Variants in UBOX5 observed in about 807,000 individuals in gnomAD.
UBOX5 encodes the protein RING finger protein 37.
A neutral mutation model predicts 39.0 loss-of-function variants in UBOX5; 28 were observed. The observed-to-expected ratio is 0.72, with a 90% CI of 0.53 to 0.98. The LOEUF (loss-of-function observed/expected upper bound fraction) is 0.98. UBOX5 is among the 50% of genes least tolerant of loss of function. UBOX5 has a pLI of 0.00. For synonymous variants in UBOX5, 283 were observed against 275.5 expected, an observed-to-expected ratio of 1.03 and a Z score of -0.27; for missense variants, 585 against 674.4, an observed-to-expected ratio of 0.87 and a Z score of 1.47.
At chr20:3,124,282 G>A (rs142137411) in intron 1 of UBOX5, among the ~76,000 whole-genome samples, 13,968 of 152,100 alleles carry the variant, frequency 0.092, 720 homozygotes, top group Middle Eastern at 0.13. Flanking sequence ...CTGTACTGCC[G>A]TGATCTCAGC....
At chr20:3,130,333 C>CT (rs5839987) in intron 1 of UBOX5, among the ~76,000 whole-genome samples, 46 of 132,210 alleles carry the variant, frequency 3.5e-4, no homozygotes, top group Middle Eastern at 3.8e-3. Context: ...TTGTTTATGC[C>CT]TTTTTTTTTT....
At chr20:3,158,004 C>T (rs1458668529) in intron 1 of UBOX5, among the ~76,000 whole-genome samples, 1 of 152,144 alleles carries the variant, frequency 6.6e-6, no homozygotes, top group Admixed American at 6.5e-5. Context: ...CACCTCTCAC[C>T]CCGGCAACCT....
At chr20:3,143,136 C>T (rs1421779384) in intron 1 of UBOX5, among the ~76,000 whole-genome samples, 4 of 112,266 alleles carry the variant, frequency 3.6e-5, no homozygotes, top group Non-Finnish European at 5.0e-5. Context: ...GACAGAGTCT[C>T]TGGCTCTGTT....
chr20:3,144,768 C>T (rs144756029), intron 1 of UBOX5, among the ~76,000 whole-genome samples: 92 of 152,292 alleles, frequency 6.0e-4, no homozygotes, highest in Middle Eastern at 6.8e-3. Flanking sequence ...TCTAACATAA[C>T]CAAACCTGAA....
Position 3,115,753 on chromosome 20 carries a change from C to CTTT in UBOX5, c.1256-290_1256-288dup, listed in dbSNP as rs11481933. ...GGCTCAACTGCAGAACTGCACGCTC[C>CTTT]TTTTTTTTTTTTTTTTTTTTTTTGA... is the stretch of plus-strand genomic sequence containing the variant. On this transcript the variant is annotated intron_variant, in intron 3 of 4. Coordinates refer to ENST00000217173, the MANE Select transcript of UBOX5 (RefSeq NM_014948.4). Among the ~76,000 whole-genome samples, 478 of 87,822 alleles carry CTTT rather than the reference C, an allele frequency of 5.4e-3. 2 individuals are homozygous for CTTT. Among genetic ancestry groups the CTTT allele is most frequent in the East Asian group, 0.01 (26 of 2,534 alleles). 57.6% of individuals were successfully genotyped at this position (87,822 alleles called of 152,430 possible).
At chr20:3,126,375 G>A (rs187880318) in intron 1 of UBOX5, among the ~76,000 whole-genome samples, 15 of 152,130 alleles carry the variant, frequency 9.9e-5, no homozygotes, top group African/African-American at 3.6e-4. Flanking sequence ...CACTGCGGAA[G>A]GCCGCAGGGA....
chr20:3,148,141 T>G (rs143387139), intron 1 of UBOX5: 8 of 1,613,842 alleles, frequency 5.0e-6, no homozygotes, highest in African/African-American at 1.3e-5. Flanking sequence ...TGATCAAATC[T>G]ATATATTTAA....
intron 1 of UBOX5, among the ~76,000 whole-genome samples, chr20:3,126,928 C>T (rs151242287): frequency 0.017 from 2,463 of 148,922 alleles, 31 homozygotes; most frequent in Non-Finnish European, 0.025. Flanking sequence ...CCCAGCTACT[C>T]GGGAGGCCAA....
At chr20:3,150,075 A>G (rs1383722117) in intron 1 of UBOX5, among the ~76,000 whole-genome samples, 1 of 151,900 alleles carries the variant, frequency 6.6e-6, no homozygotes, top group Non-Finnish European at 1.5e-5. Flanking sequence ...CCCTGTTCTT[A>G]TAGCGCAAAA....
rs1366039207 is a variant in UBOX5, at chr20:3,121,801, A to G, written c.838T>C (p.Ser280Pro). ...GTGCTCTGGTCGATGACCTTGCCTG[A>G]GGGCAGCAGCATGGGACAAGGCATG... ...EIMPCPMLLP[S>P]GKVIDQSTLE... is the part of the protein sequence containing the mutation. Residue 280 changes from serine (S) to proline (P), a missense_variant, in exon 3 of 5, where the codon TCA becomes CCA. By Grantham distance (74) the Ser-to-Pro change is moderately conservative. Transcript: ENST00000217173. 1 of 1,614,140 alleles carries G rather than the reference A, an allele frequency of 6.2e-7. No individual in the cohort carries two copies. Among genetic ancestry groups the G allele is most frequent in the East Asian group, 2.2e-5 (1 of 44,858 alleles).
At chr20:3,128,132 A>T (rs1477815668) in intron 1 of UBOX5, among the ~76,000 whole-genome samples, 1 of 152,266 alleles carries the variant, frequency 6.6e-6, no homozygotes, top group African/African-American at 2.4e-5. Flanking sequence ...AAGTAAAAAC[A>T]AATGAAGTAT....
intron 1 of UBOX5, among the ~76,000 whole-genome samples, chr20:3,140,014 C>CTTTT (rs138435815): frequency 1.8e-4 from 14 of 78,346 alleles, no homozygotes; most frequent in Non-Finnish European, 2.2e-4. Flanking sequence ...GGCCTTTTTA[C>CTTTT]TTTTTTTTTT....
Position 3,149,468 on chromosome 20 carries a change from G to A in UBOX5, c.-42+10298C>T, listed in dbSNP as rs1255374853. Among the ~76,000 whole-genome samples, 2 of 152,170 alleles carry A rather than the reference G, an allele frequency of 1.3e-5. No homozygotes were observed. Among genetic ancestry groups the A allele is most frequent in the Admixed American group, 6.6e-5 (1 of 15,264 alleles). ...GGAAAACCCCCAACCCAGGGTACCC[G>A]TGGGCAGTTCCTGGACTGCTGCTCA... On this transcript the variant is annotated intron_variant, in intron 1 of 4. Transcript: ENST00000217173. This position sits in a 1 kb window ranked among gnomAD's most constrained non-coding sequence, Gnocchi z 4.1.
chr20:3,115,541 G>C, intron 3 of UBOX5, 75 bp from the exon 4 acceptor site: 1 of 1,476,968 alleles, frequency 6.8e-7, no homozygotes, highest in Non-Finnish European at 9.0e-7. Context: ...TCCTTCGAGG[G>C]CTGTAAAAAC....
chr20:3,133,929 G>T (rs754691803), intron 1 of UBOX5, among the ~76,000 whole-genome samples: 107 of 151,932 alleles, frequency 7.0e-4, no homozygotes, highest in Middle Eastern at 3.4e-3. Flanking sequence ...ATTTTTGGGG[G>T]TTTTTTGGGT....
At chr20:3,152,769 G>A (rs368571015) in intron 1 of UBOX5, among the ~76,000 whole-genome samples, 147 of 151,764 alleles carry the variant, frequency 9.7e-4, no homozygotes, top group African/African-American at 3.4e-3. Context: ...TTAGCTGGGC[G>A]TGGTAGTGCG....
chr20:3,142,001 A>T (rs1354361934), intron 1 of UBOX5, among the ~76,000 whole-genome samples: 2 of 151,602 alleles, frequency 1.3e-5, no homozygotes, highest in African/African-American at 4.9e-5. Flanking sequence ...CAACAGAGTG[A>T]GACCCTTTTT....
rs142705744 is a variant in UBOX5 at position 3,140,279 on chromosome 20, C to T, written c.-41-16873G>A. On this transcript the variant is annotated intron_variant, in intron 1 of 4. Transcript: ENST00000217173. ...TCAGGTGATCCGCCCACCTTGGCCT[C>T]CCACAATGCTGGGATTACAGGCGTT... Among the ~76,000 whole-genome samples, 1,140 of 152,256 alleles carry T rather than the reference C, an allele frequency of 7.5e-3. 12 individuals carry two copies. The highest frequency in any genetic ancestry group is 0.011 in the Non-Finnish European group (761 of 68,014).
At chr20:3,150,338 G>A (rs1416417639) in intron 1 of UBOX5, among the ~76,000 whole-genome samples, 1 of 152,170 alleles carries the variant, frequency 6.6e-6, no homozygotes, top group Non-Finnish European at 1.5e-5. Context: ...TCAGGGTTCA[G>A]GGAACGCCAA....
Sources: gnomAD v4.1 joint callset for allele counts (sites outside exome capture counted in the v4.1 genomes callset) on GRCh38, gnomAD v4.1.1 for gene constraint, Gnocchi (gnomAD v3.1) non-coding constraint, MANE v1.5 for transcripts, NCBI Gene and HGNC (gene_info 2026-07-23, HGNC 2026-07-21) for gene names.